Variants in RIMS2 observed in about 807,000 individuals in gnomAD.
RIMS2 encodes the protein regulating synaptic membrane exocytosis protein 2.
A neutral mutation model predicts 174.4 loss-of-function variants in RIMS2; 59 were observed. The ratio of observed to expected loss-of-function variants is 0.34; its 90% CI spans 0.27 to 0.42. RIMS2 has a LOEUF of 0.42. RIMS2 is among the 10% of genes least tolerant of loss of function. The pLI is 1.00. For missense variants in RIMS2, 1,620 were observed against 1,666.3 expected (o/e 0.97, Z 0.48); for synonymous variants, 606 against 572.5 (o/e 1.06, Z -0.84).
chr8:103,761,557 G>T (rs929171745), intron 2 of RIMS2, among the ~76,000 whole-genome samples: 1 of 152,100 alleles, frequency 6.6e-6, no homozygotes, highest in Non-Finnish European at 1.5e-5. Context: ...TAGCACATGA[G>T]AATTTTTAAA....
intron 2 of RIMS2, among the ~76,000 whole-genome samples, chr8:103,733,635 A>G (rs771234756): frequency 1.3e-5 from 2 of 152,160 alleles, no homozygotes; most frequent in African/African-American, 4.8e-5. Context: ...ACTGGTCTAA[A>G]TGCTTCTTCT....
At chr8:103,916,561 A>T in intron 8 of RIMS2, 24 bp downstream of exon 11, 7 of 1,582,902 alleles carry the variant, frequency 4.4e-6, no homozygotes, top group Non-Finnish European at 6.0e-6. Context: ...AGTATTTTAT[A>T]TGTGTGTGAA....
chr8:104,060,654 G>T (rs1017885583), intron 19 of RIMS2, among the ~76,000 whole-genome samples: 1 of 151,970 alleles, frequency 6.6e-6, no homozygotes, highest in South Asian at 2.1e-4. Context: ...TCTTTTAATT[G>T]TGATGTTAGG....
chr8:103,898,714 GTTTGTT>G (rs992684364), intron 4 of RIMS2, among the ~76,000 whole-genome samples: 1 of 151,226 alleles, frequency 6.6e-6, no homozygotes, highest in African/African-American at 2.4e-5. Flanking sequence ...AGTTCTTTTT[GTTTGTT>G]TTTATTTTTT....
intron 19 of RIMS2, among the ~76,000 whole-genome samples, chr8:104,076,345 AT>A (rs2097292067): frequency 6.6e-6 from 1 of 152,080 alleles, no homozygotes; most frequent in Non-Finnish European, 1.5e-5. Context: ...GCAAGGATAG[AT>A]TTCTCATTTG....
intron 19 of RIMS2, among the ~76,000 whole-genome samples, chr8:104,031,524 T>C (rs540736985): frequency 6.6e-6 from 1 of 152,274 alleles, no homozygotes; most frequent in East Asian, 1.9e-4. Context: ...CATTTCTATA[T>C]TTAAAATGTT....
chr8:103,990,063 C>T (rs976972729), intron 17 of RIMS2, among the ~76,000 whole-genome samples: 4 of 152,074 alleles, frequency 2.6e-5, no homozygotes, highest in Non-Finnish European at 5.9e-5. Flanking sequence ...TTAACTTAAG[C>T]AAATCGATAA....
intron 15 of RIMS2, among the ~76,000 whole-genome samples, chr8:103,972,679 T>A (rs1396267228): frequency 6.6e-6 from 1 of 152,162 alleles, no homozygotes; most frequent in Non-Finnish European, 1.5e-5. Flanking sequence ...TGGGGCCTTT[T>A]CACTTGTCTT....
At chr8:103,629,077 A>G (rs76631346) in intron 1 of RIMS2, among the ~76,000 whole-genome samples, 8,196 of 152,156 alleles carry the variant, frequency 0.054, 314 homozygotes, top group Non-Finnish European at 0.078. Flanking sequence ...CTCAGCAGAA[A>G]CTATATTGCA....
chr8:103,994,981 T>C (rs1421057476), intron 17 of RIMS2, among the ~76,000 whole-genome samples: 4 of 152,026 alleles, frequency 2.6e-5, no homozygotes, highest in Non-Finnish European at 5.9e-5. Flanking sequence ...TTTTCTGTTA[T>C]TCTTAAGTAA....
At chr8:103,581,737 G>A (rs533723740) in intron 1 of RIMS2, among the ~76,000 whole-genome samples, 24 of 152,308 alleles carry the variant, frequency 1.6e-4, no homozygotes, top group South Asian at 1.0e-3. Flanking sequence ...TGAGGTCAGA[G>A]GAGGAGCAAG....
intron 4 of RIMS2, among the ~76,000 whole-genome samples, chr8:103,891,350 G>C (rs944079685): frequency 6.6e-6 from 1 of 152,010 alleles, no homozygotes; most frequent in Non-Finnish European, 1.5e-5. Context: ...CTTGATGCTC[G>C]TGTTTCACGT....
chr8:104,148,113 C>A (rs769871313), intron 19 of RIMS2, among the ~76,000 whole-genome samples: 1 of 150,492 alleles, frequency 6.6e-6, no homozygotes, highest in Admixed American at 6.6e-5. Context: ...ATTAGATAAA[C>A]CTTATTATAA....
intron 1 of RIMS2, among the ~76,000 whole-genome samples, chr8:103,646,788 A>G (rs561203001): frequency 1.3e-5 from 2 of 152,172 alleles, no homozygotes; most frequent in African/African-American, 4.8e-5. Context: ...AACAGAGATA[A>G]TTTGACTTCC....
intron 19 of RIMS2, among the ~76,000 whole-genome samples, chr8:104,122,257 A>G (rs1195291955): frequency 1.3e-5 from 2 of 152,104 alleles, no homozygotes; most frequent in Admixed American, 1.3e-4. Context: ...ATTGAAATTA[A>G]CAGGGATAAA....
intron 4 of RIMS2, among the ~76,000 whole-genome samples, chr8:103,907,891 A>G (rs1433699790): frequency 6.8e-6 from 1 of 146,192 alleles, no homozygotes; most frequent in Non-Finnish European, 1.5e-5. Flanking sequence ...GACTACATGC[A>G]CCCGCCACCA....
chr8:103,843,057 AT>A (rs1381038060), intron 3 of RIMS2, among the ~76,000 whole-genome samples: 1 of 152,176 alleles, frequency 6.6e-6, no homozygotes, highest in Non-Finnish European at 1.5e-5. Flanking sequence ...TCTTCTTTTA[AT>A]TAATCACCTC....
chr8:104,168,816 G>A (rs943767322), intron 19 of RIMS2, among the ~76,000 whole-genome samples: 4 of 151,956 alleles, frequency 2.6e-5, no homozygotes, highest in Admixed American at 2.0e-4. Context: ...TTTGAGGTAT[G>A]TCACTTTTAT....
intron 3 of RIMS2, among the ~76,000 whole-genome samples, chr8:103,808,741 A>G (rs2098667152): frequency 1.3e-5 from 2 of 152,150 alleles, no homozygotes; most frequent in Non-Finnish European, 2.9e-5. Context: ...AGTCCTGTTG[A>G]TTCGACTTCT....
Sources: allele counts gnomAD v4.1 joint callset (sites outside exome capture counted in the v4.1 genomes callset), GRCh38; gene constraint gnomAD v4.1.1; transcripts MANE v1.5; gene names NCBI Gene and HGNC (gene_info 2026-07-23, HGNC 2026-07-21).